Variants in DENND4A observed in about 807,000 individuals in gnomAD.
The protein encoded by DENND4A is C-myc promoter-binding protein.
A neutral mutation model predicts 199.3 loss-of-function variants in DENND4A; 70 were observed. The observed-to-expected ratio is 0.35, with a 90% CI of 0.29 to 0.43. DENND4A has a LOEUF of 0.43. Among genes scored for constraint, DENND4A ranks in the 20% least tolerant of loss-of-function variants. The pLI, the probability that DENND4A is intolerant of heterozygous loss-of-function variation, is 1.00. For missense variants in DENND4A, 1,723 were observed against 2,255.8 expected (o/e 0.76, Z 4.78); for synonymous variants, 686 against 766.9 (o/e 0.89, Z 1.74).
chr15:65,659,322 G>GT lies in DENND4A; in HGVS notation c.*2528dup, dbSNP rs869058369. 6 of 71,600 alleles carry GT rather than the reference G, an allele frequency of 8.4e-5. 1 individual carries two copies. Among genetic ancestry groups the GT allele is most frequent in the East Asian group, 6.9e-4 (2 of 2,916 alleles). The allele number at this position is 71,600 out of a possible 1,614,324, so 4.4% of individuals were successfully genotyped here. ...TATTTTAAATGATTGATATTTTCTG[G>GT]TTTTTTTTTTTTTTTTTTTTTTTTT... On this transcript the variant is annotated 3_prime_UTR_variant, in exon 33 of 33. Coordinates refer to ENST00000443035, the MANE Select transcript of DENND4A (RefSeq NM_001320835.1).
At chr15:65,701,472 T>A (rs750780428) in intron 18 of DENND4A, among the ~76,000 whole-genome samples, 1 of 151,880 alleles carries the variant, frequency 6.6e-6, no homozygotes, top group Non-Finnish European at 1.5e-5. Context: ...GAGGCTCAGG[T>A]GGGAAGATCA....
At chr15:65,778,902 A>G (rs2077358719) in intron 1 of DENND4A, among the ~76,000 whole-genome samples, 1 of 151,590 alleles carries the variant, frequency 6.6e-6, no homozygotes, top group African/African-American at 2.4e-5. Flanking sequence ...TCAAAAAAAA[A>G]AAAAAAAAGG....
At chr15:65,683,875 TA>T (rs2142002956) in intron 23 of DENND4A, among the ~76,000 whole-genome samples, 1 of 152,290 alleles carries the variant, frequency 6.6e-6, no homozygotes, top group East Asian at 1.9e-4. Flanking sequence ...CATGCCCATT[TA>T]CAGTTAATCT....
intron 1 of DENND4A, among the ~76,000 whole-genome samples, chr15:65,785,580 A>G (rs140669209): frequency 6.6e-6 from 1 of 152,136 alleles, no homozygotes. Context: ...TTTTAAAAAT[A>G]AAATTACCGA....
At position 65,691,176 on chromosome 15, in the gene DENND4A, T is replaced by C. The variant is rs368064090; in HGVS notation, c.3418A>G (p.Lys1140Glu). 2.7e-5 allele frequency: 44 copies of C among 1,613,420 alleles called. No individual in the cohort carries two copies. Among genetic ancestry groups the C allele is most frequent in the African/African-American group, 4.0e-5 (3 of 74,924 alleles). The change falls in exon 23 of 33, where the codon AAG (lysine) becomes GAG (glutamate). Residue 1140 changes from lysine to glutamate, a missense_variant. By Grantham distance (56) the Lys-to-Glu change is moderately conservative. Around this residue, in one of 6 missense-constraint regions of DENND4A, gnomAD observed 650 missense variants for 738.1 expected, o/e 0.88. Transcript: ENST00000443035. ...GGTGTATCATCATCACTAGATTCCT[T>C]TTCTAGACTGTCTCTTTTTGATCTT... is the stretch of plus-strand genomic sequence containing the variant. ...PLRSKRDSLE[K>E]ESSDDDTPFD... is the part of the protein sequence containing the mutation.
intron 1 of DENND4A, among the ~76,000 whole-genome samples, chr15:65,764,315 C>A (rs1301347274): frequency 2.6e-5 from 4 of 151,992 alleles, no homozygotes; most frequent in African/African-American, 9.7e-5. Context: ...CTGGGCAACA[C>A]AGCAAGACCT....
chr15:65,791,309 G>A (rs1039897672), intron 1 of DENND4A, among the ~76,000 whole-genome samples: 4 of 152,174 alleles, frequency 2.6e-5, no homozygotes, highest in African/African-American at 7.2e-5. Context: ...CAGCACATCT[G>A]TCATTTAAAA....
rs182167377 is a variant in DENND4A at position 65,737,479 on chromosome 15, G to A, written c.1040+228C>T. On this transcript the variant is annotated intron_variant, in intron 7 of 32. Coordinates refer to ENST00000443035, the MANE Select transcript of DENND4A (RefSeq NM_001320835.1). ...ATTAGGATCTCTAAACTTCCCAAGAGCATTAAACAAATGAAACATTAATTT... is the reference window on the plus strand; with the variant it reads ...ATTAGGATCTCTAAACTTCCCAAGAACATTAAACAAATGAAACATTAATTT... Among the ~76,000 whole-genome samples, 24 of 152,194 alleles carry A rather than the reference G, an allele frequency of 1.6e-4. No homozygotes were observed. In the East Asian group the frequency reaches 4.2e-3, roughly 27 times the overall value.
chr15:65,670,007 C>A lies in DENND4A; in HGVS notation c.4640+6G>T. ...CCTTAAACATGAAGGAAAAAAATATCATTACCTTCCAGGTCGTCTTAAATC... is the reference window on the plus strand; with the variant it reads ...CCTTAAACATGAAGGAAAAAAATATAATTACCTTCCAGGTCGTCTTAAATC... On this transcript the variant is annotated splice_donor_region_variant and intron_variant, in intron 26 of 32. Coordinates refer to ENST00000443035, the MANE Select transcript of DENND4A (RefSeq NM_001320835.1). 1.3e-6 allele frequency: 2 copies of A among 1,590,404 alleles called. No homozygotes were observed. The highest frequency in any genetic ancestry group is 1.7e-6 in the Non-Finnish European group (2 of 1,166,946).
At chr15:65,688,301 A>G (rs996597319) in intron 23 of DENND4A, among the ~76,000 whole-genome samples, 1 of 152,168 alleles carries the variant, frequency 6.6e-6, no homozygotes, top group Non-Finnish European at 1.5e-5. Flanking sequence ...CAGTTATGGA[A>G]GCTGCTTTAA....
At chr15:65,745,083 G>A (rs921783522) in intron 4 of DENND4A, among the ~76,000 whole-genome samples, 3 of 152,058 alleles carry the variant, frequency 2.0e-5, no homozygotes, top group African/African-American at 7.2e-5. Flanking sequence ...AAAATCTGAT[G>A]AATAACAATG....
In DENND4A at chr15:65,660,958, T is replaced by C. The variant is rs1473962663; in HGVS notation, c.*893A>G. 6.6e-6 allele frequency: 1 copy of C among 152,200 alleles called. No individual in the cohort carries two copies. Among genetic ancestry groups the C allele is most frequent in the East Asian group, 1.9e-4 (1 of 5,206 alleles). The allele number at this position is 152,200 out of a possible 1,614,324, so 9.4% of individuals were successfully genotyped here. ...AATCACTTGTCTGCATATTTCCCAA[T>C]GTAAGTTTTCATGTAGAATATTAAA... is the stretch of plus-strand genomic sequence containing the variant. On this transcript the variant is annotated 3_prime_UTR_variant, in exon 33 of 33. Coordinates refer to ENST00000443035, the MANE Select transcript of DENND4A (RefSeq NM_001320835.1).
chr15:65,697,138 G>A (rs937732997), intron 21 of DENND4A, 129 bp downstream of exon 21: 6 of 610,402 alleles, frequency 9.8e-6, no homozygotes, highest in South Asian at 2.1e-5. Flanking sequence ...GAGAGGGCAC[G>A]TAATGGTAGA....
intron 4 of DENND4A, among the ~76,000 whole-genome samples, chr15:65,747,349 T>A (rs2076430229): frequency 6.6e-6 from 1 of 152,180 alleles, no homozygotes; most frequent in South Asian, 2.1e-4. Flanking sequence ...GGTCCAAGGT[T>A]TAAAACAAAG....
intron 22 of DENND4A, among the ~76,000 whole-genome samples, chr15:65,692,393 C>T (rs2077003012): frequency 6.6e-6 from 1 of 152,158 alleles, no homozygotes; most frequent in East Asian, 1.9e-4. Flanking sequence ...GATCTCTGAT[C>T]ACTTTAATTG....
intron 12 of DENND4A, among the ~76,000 whole-genome samples, chr15:65,720,413 A>AT (rs200076757): frequency 0.21 from 29,652 of 141,216 alleles, 3,968 homozygotes; most frequent in East Asian, 0.73. Flanking sequence ...AAAGCCTAGG[A>AT]TTTTTTTTTT....
intron 1 of DENND4A, among the ~76,000 whole-genome samples, chr15:65,773,562 T>A (rs1019191129): frequency 6.6e-6 from 1 of 152,182 alleles, no homozygotes; most frequent in Admixed American, 6.5e-5. Flanking sequence ...GGATTCCACA[T>A]GAAAGGAGGA....
chr15:65,790,394 G>A lies in DENND4A; in HGVS notation c.-102+1616C>T, dbSNP rs146696113. On this transcript the variant is annotated intron_variant, in intron 1 of 32. Coordinates refer to ENST00000443035, the MANE Select transcript of DENND4A (RefSeq NM_001320835.1). ...TTATCTACATTTATTCCCAATTTGC[G>A]ACTGGTATCAAGATCAATTAACTTT... Among the ~76,000 whole-genome samples, 378 of 152,220 alleles carry A rather than the reference G, an allele frequency of 2.5e-3. 1 individual carries two copies. The highest frequency in any genetic ancestry group is 8.5e-3 in the African/African-American group (354 of 41,504).
At chr15:65,682,216 C>G (rs1355762805) in intron 23 of DENND4A, among the ~76,000 whole-genome samples, 1 of 152,202 alleles carries the variant, frequency 6.6e-6, no homozygotes, top group Non-Finnish European at 1.5e-5. Flanking sequence ...CCTAGATGGG[C>G]ATCTTCTTCC....
Sources: gnomAD v4.1 joint callset for allele counts (sites outside exome capture counted in the v4.1 genomes callset) on GRCh38, gnomAD v4.1.1 for gene constraint, gnomAD v4.1.1 regional missense constraint, MANE v1.5 for transcripts, NCBI Gene and HGNC (gene_info 2026-07-23, HGNC 2026-07-21) for gene names.